MYO1D: variants seen among roughly 807,000 people sequenced by gnomAD.
MYO1D encodes the protein unconventional myosin-Id.
Under a neutral mutation model 122.0 loss-of-function variants are expected in MYO1D, and 83 were observed. That is an observed-to-expected ratio of 0.68 (90% CI 0.57 to 0.82). The LOEUF is 0.82. Among genes scored for constraint, MYO1D ranks in the 40% least tolerant of loss-of-function variants. The pLI, the probability that MYO1D is intolerant of heterozygous loss-of-function variation, is 0.00. For missense variants in MYO1D, 1,157 were observed against 1,269.5 expected (o/e 0.91, Z 1.35); for synonymous variants, 464 against 446.9 (o/e 1.04, Z -0.48).
chr17:32,625,678 C>A (rs566582060), intron 20 of MYO1D, among the ~76,000 whole-genome samples: 26 of 152,162 alleles, frequency 1.7e-4, no homozygotes, highest in Non-Finnish European at 2.9e-4. Context: ...GCCTCCTGAG[C>A]AGCTGGGACT....
chr17:32,494,800 T>G lies in MYO1D; in HGVS notation c.2980A>C (p.Lys994Gln). 1 of 1,613,088 alleles carries G rather than the reference T, an allele frequency of 6.2e-7. No individual in the cohort carries two copies. Among genetic ancestry groups the G allele is most frequent in the Non-Finnish European group, 8.5e-7 (1 of 1,179,578 alleles). Residue 994 changes from lysine to glutamine, a missense_variant, in exon 22 of 22, where the codon AAG (lysine) becomes CAG (glutamine). By Grantham distance (53) the Lys-to-Gln change is moderately conservative. Coordinates refer to ENST00000318217, the MANE Select transcript of MYO1D (RefSeq NM_015194.3). ...CTGAGGATGAAGCCCGAGCGATTCTTGGTGAAGTCGGGCTGGGGCTGGTTG... is the reference window on the plus strand; with the variant it reads ...CTGAGGATGAAGCCCGAGCGATTCTGGGTGAAGTCGGGCTGGGGCTGGTTG... ...RLNQPQPDFT[K>Q]NRSGFILSVP...
chr17:32,707,100 T>G (rs1232829362), intron 16 of MYO1D, among the ~76,000 whole-genome samples: 1 of 152,166 alleles, frequency 6.6e-6, no homozygotes, highest in Non-Finnish European at 1.5e-5. Context: ...AGTTTACGAT[T>G]AACAGAGTCA....
chr17:32,637,437 A>C (rs2150938372), intron 20 of MYO1D, among the ~76,000 whole-genome samples: 1 of 152,308 alleles, frequency 6.6e-6, no homozygotes, highest in African/African-American at 2.4e-5. Flanking sequence ...TTGGGAGACC[A>C]CAGCGGGTGG....
chr17:32,598,735 C>T (rs373228362), intron 21 of MYO1D, among the ~76,000 whole-genome samples: 2 of 152,114 alleles, frequency 1.3e-5, no homozygotes, highest in East Asian at 1.9e-4. Context: ...ATTAAGTTTA[C>T]AATAGCATCA....
chr17:32,666,082 A>G (rs1270231462), intron 16 of MYO1D, among the ~76,000 whole-genome samples: 2 of 152,226 alleles, frequency 1.3e-5, no homozygotes, highest in African/African-American at 4.8e-5. Flanking sequence ...CTTGCCATCT[A>G]TCAGAATGAG....
In MYO1D at chr17:32,771,166, G is replaced by C; in HGVS notation, c.673C>G (p.Leu225Val). ...MLRSLHLQKSLSSYNYIHVGA... is the reference protein window; with the variant it reads ...MLRSLHLQKSVSSYNYIHVGA... ...ACATGAATATAGTTGTAGGATGAAA[G>C]GGATTTCTGGAGATGTAGAGAGCGT... The change falls in exon 6 of 22, where the codon CTT (leucine) becomes GTT (valine). Residue 225 changes from leucine (L) to valine (V), a missense_variant. Transcript: ENST00000318217. The C allele has an allele frequency of 6.2e-7, 1 of 1,611,770 alleles. No individual in the cohort carries two copies. The highest frequency in any genetic ancestry group is 8.5e-7 in the Non-Finnish European group (1 of 1,178,058).
chr17:32,753,822 C>T (rs1298652835), intron 11 of MYO1D, among the ~76,000 whole-genome samples: 2 of 151,138 alleles, frequency 1.3e-5, no homozygotes, highest in Non-Finnish European at 2.9e-5. Context: ...TGCTTGAACT[C>T]GGGAGGCGGA....
At chr17:32,669,949 G>A (rs906507503) in intron 16 of MYO1D, among the ~76,000 whole-genome samples, 5 of 150,864 alleles carry the variant, frequency 3.3e-5, no homozygotes, top group East Asian at 1.9e-4. Context: ...CTGGAGTTGC[G>A]GTGGTGTGAT....
chr17:32,718,035 CT>C (rs1270549700), intron 15 of MYO1D, among the ~76,000 whole-genome samples: 12 of 152,028 alleles, frequency 7.9e-5, no homozygotes, highest in Admixed American at 7.9e-4. Flanking sequence ...TACTTCCCAT[CT>C]TTTTTTCTTT....
intron 21 of MYO1D, among the ~76,000 whole-genome samples, chr17:32,595,693 T>C (rs940514598): frequency 9.9e-5 from 15 of 152,202 alleles, no homozygotes; most frequent in African/African-American, 3.1e-4. Flanking sequence ...GGGAACCTTC[T>C]GTGTGCCAGC....
intron 20 of MYO1D, among the ~76,000 whole-genome samples, chr17:32,621,285 T>A (rs772916216): frequency 3.9e-5 from 6 of 152,088 alleles, no homozygotes; most frequent in Non-Finnish European, 5.9e-5. Context: ...CGTTTCCTTG[T>A]CCTGAAAAGC....
intron 15 of MYO1D, among the ~76,000 whole-genome samples, chr17:32,716,051 T>C (rs896138422): frequency 6.6e-6 from 1 of 151,516 alleles, no homozygotes; most frequent in African/African-American, 2.4e-5. Context: ...AGAGTAGTTT[T>C]CTAAAAAGCT....
At chr17:32,594,524 C>G (rs2087472198) in intron 21 of MYO1D, 2 of 629,612 alleles carry the variant, frequency 3.2e-6, no homozygotes, top group African/African-American at 1.8e-5. Context: ...TATGTAGAAT[C>G]TATGCTTTCT....
At chr17:32,671,654 G>A (rs1185928263) in intron 16 of MYO1D, among the ~76,000 whole-genome samples, 1 of 152,102 alleles carries the variant, frequency 6.6e-6, no homozygotes, top group African/African-American at 2.4e-5. Context: ...TGTTGTACTT[G>A]TGCTTTCTGA....
chr17:32,795,364 A>C (rs1477143867), intron 1 of MYO1D, among the ~76,000 whole-genome samples: 1 of 152,132 alleles, frequency 6.6e-6, no homozygotes, highest in Admixed American at 6.5e-5. Context: ...CCCCATTTAA[A>C]AGTGGAAAAA....
At chr17:32,781,337 T>G (rs1046075242) in intron 1 of MYO1D, among the ~76,000 whole-genome samples, 1 of 152,210 alleles carries the variant, frequency 6.6e-6, no homozygotes, top group Admixed American at 6.5e-5. Flanking sequence ...AGTTCCATGG[T>G]GTCGATATAT....
At chr17:32,698,154 A>C (rs2089197259) in intron 16 of MYO1D, among the ~76,000 whole-genome samples, 1 of 152,194 alleles carries the variant, frequency 6.6e-6, no homozygotes. Flanking sequence ...GACTTAGTTA[A>C]ATAACCAGAA....
intron 21 of MYO1D, among the ~76,000 whole-genome samples, chr17:32,560,312 A>T (rs1311824805): frequency 1.3e-5 from 2 of 151,778 alleles, no homozygotes; most frequent in Non-Finnish European, 2.9e-5. Flanking sequence ...TAAAATACTA[A>T]ACTATTCTGA....
intron 1 of MYO1D, among the ~76,000 whole-genome samples, chr17:32,816,761 G>A (rs763612489): frequency 6.6e-6 from 1 of 152,120 alleles, no homozygotes; most frequent in Non-Finnish European, 1.5e-5. Flanking sequence ...CAGATATTAT[G>A]AAAAATTCCT....
Sources: gnomAD v4.1 joint callset for allele counts (sites outside exome capture counted in the v4.1 genomes callset) on GRCh38, gnomAD v4.1.1 for gene constraint, MANE v1.5 for transcripts, NCBI Gene and HGNC (gene_info 2026-07-23, HGNC 2026-07-21) for gene names.